The following ALG5 variants were observed in gnomAD, a reference collection of about 807,000 sequenced individuals.
ALG5 encodes the protein dolichyl-phosphate beta-glucosyltransferase.
ALG5 carries 26 observed loss-of-function variants against 51.8 expected under a neutral mutation model. That is an observed-to-expected ratio of 0.50 (90% CI 0.37 to 0.70). The LOEUF (loss-of-function observed/expected upper bound fraction) is 0.70. Among genes scored for constraint, ALG5 ranks in the 30% least tolerant of loss-of-function variants. The probability of loss-of-function intolerance (pLI) is 0.00; values close to 1 mark genes in which losing one functional copy is unlikely to be tolerated. For missense variants in ALG5, 311 were observed against 399.3 expected, an observed-to-expected ratio of 0.78 and a Z score of 1.88; for synonymous variants, 141 against 136.1, an observed-to-expected ratio of 1.04 and a Z score of -0.25.
intron 5 of ALG5, among the ~76,000 whole-genome samples, chr13:36,987,316 T>G (rs534658281): frequency 5.3e-5 from 8 of 152,328 alleles, no homozygotes; most frequent in African/African-American, 1.9e-4. Flanking sequence ...CCAGTGGTAC[T>G]CATTTGACAT....
At chr13:36,994,938 C>T in intron 3 of ALG5, 51 bp downstream of exon 3, 1 of 1,531,426 alleles carries the variant, frequency 6.5e-7, no homozygotes, top group Non-Finnish European at 9.0e-7. Flanking sequence ...CAATTGGTGA[C>T]CTGGTCTAGT....
At chr13:36,961,483 T>C (rs2058866597) in intron 8 of ALG5, among the ~76,000 whole-genome samples, 1 of 152,162 alleles carries the variant, frequency 6.6e-6, no homozygotes, top group African/African-American at 2.4e-5. Context: ...CTAGAGATGA[T>C]TTAAAGTATA....
In ALG5 at chr13:36,976,310, C is replaced by T. The variant is rs140793476; in HGVS notation, c.562-4274G>A. 3.1e-4 allele frequency among the ~76,000 whole-genome samples: 47 copies of T among 150,338 alleles called. No individual in the cohort carries two copies. The East Asian group carries it at 9.0e-3, about 29-fold the overall frequency. On this transcript the variant is annotated intron_variant, in intron 6 of 9. Transcript: ENST00000239891. ...GGAGTGGTGGTGCATGCCTGTAATC[C>T]CAGCTACTCAGGAGGCTGAGGCAGG...
chr13:36,975,342 T>C (rs2058945612), intron 6 of ALG5, among the ~76,000 whole-genome samples: 1 of 152,218 alleles, frequency 6.6e-6, no homozygotes, highest in African/African-American at 2.4e-5. Flanking sequence ...CTCTACAGTT[T>C]CCTAGGTTTT....
chr13:36,967,730 GCTTGCT>G (rs1187939175), intron 7 of ALG5: 2 of 873,804 alleles, frequency 2.3e-6, no homozygotes, highest in South Asian at 2.8e-5. Context: ...TCTCACAACA[GCTTGCT>G]CAGTGCCTTC....
At chr13:36,989,844 T>C (rs1166258124) in intron 4 of ALG5, among the ~76,000 whole-genome samples, 1 of 152,070 alleles carries the variant, frequency 6.6e-6, no homozygotes, top group African/African-American at 2.4e-5. Context: ...CTACCTAAGC[T>C]ACTGAGCTGC....
chr13:36,984,241 C>T (rs746871505), intron 6 of ALG5, among the ~76,000 whole-genome samples: 3 of 151,576 alleles, frequency 2.0e-5, no homozygotes, highest in East Asian at 3.9e-4. Context: ...TGGGACTAGA[C>T]GCATACACCA....
chr13:36,960,591 G>A (rs2058861559), intron 8 of ALG5, among the ~76,000 whole-genome samples: 1 of 152,050 alleles, frequency 6.6e-6, no homozygotes, highest in African/African-American at 2.4e-5. Context: ...AGTGCTCACT[G>A]CAGCCTTGAC....
At chr13:36,961,187 G>A (rs1385141087) in intron 8 of ALG5, among the ~76,000 whole-genome samples, 1 of 152,082 alleles carries the variant, frequency 6.6e-6, no homozygotes, top group African/African-American at 2.4e-5. Flanking sequence ...AGGCTGAGGT[G>A]GGAGGATCAC....
At chr13:36,989,648 C>T in intron 4 of ALG5, 72 bp from the exon 5 acceptor site, 1 of 1,287,104 alleles carries the variant, frequency 7.8e-7, no homozygotes, top group Non-Finnish European at 1.1e-6. Flanking sequence ...GTGTTTCTTG[C>T]TTTGGCTCAA....
chr13:36,974,143 C>A (rs186722417), intron 6 of ALG5, among the ~76,000 whole-genome samples: 1 of 152,264 alleles, frequency 6.6e-6, no homozygotes, highest in South Asian at 2.1e-4. Context: ...ATCTCCAAGA[C>A]ACATTGTTAA....
chr13:36,966,513 A>G (rs2058894126), intron 7 of ALG5, among the ~76,000 whole-genome samples: 1 of 152,224 alleles, frequency 6.6e-6, no homozygotes, highest in African/African-American at 2.4e-5. Context: ...AAATAAAATA[A>G]CAAAATTTTT....
intron 6 of ALG5, among the ~76,000 whole-genome samples, chr13:36,985,194 T>G (rs2058996811): frequency 6.6e-6 from 1 of 152,106 alleles, no homozygotes. Flanking sequence ...CTCCACTTTT[T>G]GAAGTTATGG....
intron 8 of ALG5, among the ~76,000 whole-genome samples, chr13:36,954,570 A>T (rs983073627): frequency 1.3e-4 from 20 of 152,192 alleles, no homozygotes; most frequent in African/African-American, 4.8e-4. Context: ...AGCTCATATC[A>T]TCATATTATA....
At chr13:36,982,179 C>G (rs1189376762) in intron 6 of ALG5, among the ~76,000 whole-genome samples, 1 of 152,224 alleles carries the variant, frequency 6.6e-6, no homozygotes, top group Non-Finnish European at 1.5e-5. Flanking sequence ...ACAGCTTTGA[C>G]TCTCTGAAGG....
At chr13:36,960,397 G>A (rs1340345952) in intron 8 of ALG5, among the ~76,000 whole-genome samples, 1 of 152,076 alleles carries the variant, frequency 6.6e-6, no homozygotes, top group Non-Finnish European at 1.5e-5. Context: ...AGTGGAAATT[G>A]GGGCAAGGAA....
At chr13:36,990,200 G>C (rs2059019745) in intron 4 of ALG5, among the ~76,000 whole-genome samples, 1 of 152,166 alleles carries the variant, frequency 6.6e-6, no homozygotes, top group South Asian at 2.1e-4. Context: ...CCATTACTCT[G>C]CTTTATAATC....
At chr13:36,955,292 G>A (rs1401408836) in intron 8 of ALG5, among the ~76,000 whole-genome samples, 1 of 152,186 alleles carries the variant, frequency 6.6e-6, no homozygotes, top group African/African-American at 2.4e-5. Context: ...CTCTGCGCAT[G>A]GACACAGCTT....
chr13:36,987,481 T>G (rs1205623819), intron 5 of ALG5, among the ~76,000 whole-genome samples: 1 of 152,170 alleles, frequency 6.6e-6, no homozygotes, highest in Non-Finnish European at 1.5e-5. Context: ...TCATGAGATC[T>G]GGTTGTCTAA....
Sources: allele counts gnomAD v4.1 joint callset (sites outside exome capture counted in the v4.1 genomes callset), GRCh38; gene constraint gnomAD v4.1.1; transcripts MANE v1.5; gene names NCBI Gene and HGNC (gene_info 2026-07-23, HGNC 2026-07-21).